The following ARHGEF7 variants were observed in gnomAD, a reference collection of about 807,000 sequenced individuals.
The protein encoded by ARHGEF7 is Rho guanine nucleotide exchange factor 7, also known as PAK-interacting exchange factor beta.
ARHGEF7 carries 33 observed loss-of-function variants against 109.8 expected under a neutral mutation model. The observed-to-expected ratio is 0.30, with a 90% CI of 0.23 to 0.40. The LOEUF (loss-of-function observed/expected upper bound fraction) is 0.40. Among genes scored for constraint, ARHGEF7 ranks in the 10% least tolerant of loss-of-function variants. The pLI is 1.00. For missense variants in ARHGEF7, 938 were observed against 1,098.5 expected, an observed-to-expected ratio of 0.85 and a Z score of 2.07; for synonymous variants, 458 against 424.6, an observed-to-expected ratio of 1.08 and a Z score of -0.97.
At chr13:111,147,183 A>C (rs1467321683) in intron 1 of ARHGEF7, among the ~76,000 whole-genome samples, 1 of 152,150 alleles carries the variant, frequency 6.6e-6, no homozygotes, top group Non-Finnish European at 1.5e-5. Context: ...CTTTCAGTGG[A>C]CCTATGCTTT....
intron 18 of ARHGEF7, among the ~76,000 whole-genome samples, chr13:111,289,917 C>A (rs2093205048): frequency 6.6e-6 from 1 of 151,978 alleles, no homozygotes; most frequent in Non-Finnish European, 1.5e-5. Flanking sequence ...TGAAAAATAT[C>A]CATTTGTAGT....
chr13:111,149,764 A>C (rs2075800221), intron 1 of ARHGEF7, among the ~76,000 whole-genome samples: 1 of 152,250 alleles, frequency 6.6e-6, no homozygotes, highest in South Asian at 2.1e-4. Flanking sequence ...CACAATACAC[A>C]TACATATACA....
intron 13 of ARHGEF7, 143 bp from the exon 14 acceptor site, chr13:111,280,129 T>C: frequency 1.3e-6 from 1 of 773,132 alleles, no homozygotes; most frequent in Non-Finnish European, 2.1e-6. Context: ...TATACACACA[T>C]CTGCTACAAA....
chr13:111,211,000 A>G (rs2082422447), intron 4 of ARHGEF7, among the ~76,000 whole-genome samples: 1 of 152,220 alleles, frequency 6.6e-6, no homozygotes, highest in South Asian at 2.1e-4. Flanking sequence ...TGAAAAATGG[A>G]AAGATATGCG....
At chr13:111,217,113 C>T (rs947220007) in intron 4 of ARHGEF7, among the ~76,000 whole-genome samples, 14 of 152,140 alleles carry the variant, frequency 9.2e-5, no homozygotes, top group African/African-American at 3.4e-4. Flanking sequence ...AAAAAGTTAA[C>T]TGTAATAAAT....
chr13:111,303,239 T>A lies in ARHGEF7; in HGVS notation c.*126T>A. 1.1e-6 allele frequency: 1 copy of A among 899,570 alleles called. No homozygotes were observed. The highest frequency in any genetic ancestry group is 1.6e-6 in the Non-Finnish European group (1 of 613,302). The allele number at this position is 899,570 out of a possible 1,614,324, so 55.7% of individuals were successfully genotyped here. A position where few individuals can be genotyped will look rare whatever the true frequency, so the allele number is the denominator to read the frequency against. ...GTGGGGCGCCACCTTGCTCTCTGTATATAGAAAAGCTGGAGCTTATTCTGC... is the reference window on the plus strand; with the variant it reads ...GTGGGGCGCCACCTTGCTCTCTGTAAATAGAAAAGCTGGAGCTTATTCTGC... On this transcript the variant is annotated 3_prime_UTR_variant, in exon 22 of 22. Coordinates refer to ENST00000646102, the MANE Select transcript of ARHGEF7 (RefSeq NM_001354046.2).
chr13:111,292,993 T>C lies in ARHGEF7; in HGVS notation c.2311+699T>C, dbSNP rs1262046411. 6.1e-6 allele frequency: 6 copies of C among 985,290 alleles called. No homozygotes were observed. The African/African-American group carries it at 1.0e-4, about 17-fold the overall frequency. The allele number at this position is 985,290 out of a possible 1,614,324, so 61.0% of individuals were successfully genotyped here. On this transcript the variant is annotated intron_variant, in intron 19 of 21. Coordinates refer to ENST00000646102, the MANE Select transcript of ARHGEF7 (RefSeq NM_001354046.2). ...TGCGTTGTGGCCGTGAAGTGGGAGC[T>C]CTCCTTTCCAAAGGCAGAGCTTACT...
chr13:111,283,120 C>T lies in ARHGEF7; in HGVS notation c.1726-19C>T, dbSNP rs569677417. 16 of 1,567,328 alleles carry T rather than the reference C, an allele frequency of 1.0e-5. No homozygotes were observed. Among genetic ancestry groups the T allele is most frequent in the South Asian group, 8.2e-5 (7 of 85,236 alleles). The stretch of plus-strand genomic sequence containing the variant: ...CGAGTCTCATGTTCTCTGCCCTTCC[C>T]GCTCTGTGCCCTTGGCAGCTCCCCT... On this transcript the variant is annotated intron_variant, in intron 15 of 21. Transcript: ENST00000646102.
chr13:111,199,878 C>T (rs1028851299), intron 2 of ARHGEF7, among the ~76,000 whole-genome samples: 9 of 152,268 alleles, frequency 5.9e-5, no homozygotes, highest in African/African-American at 2.2e-4. Context: ...CAGACAGTGA[C>T]CTCCTGATAT....
intron 20 of ARHGEF7, among the ~76,000 whole-genome samples, 186 bp downstream of exon 20, chr13:111,301,033 C>A (rs2093554267): frequency 6.6e-6 from 1 of 152,040 alleles, no homozygotes; most frequent in African/African-American, 2.4e-5. Context: ...ACTGCAACCT[C>A]CACCTTCCGG....
intron 1 of ARHGEF7, among the ~76,000 whole-genome samples, chr13:111,149,188 T>C (rs1044357724): frequency 4.6e-5 from 7 of 151,844 alleles, no homozygotes; most frequent in African/African-American, 1.7e-4. Flanking sequence ...GGCGGGCAGA[T>C]TGCTTGAGCC....
chr13:111,192,655 C>G (rs185343151), intron 2 of ARHGEF7, among the ~76,000 whole-genome samples: 10 of 152,292 alleles, frequency 6.6e-5, no homozygotes, highest in African/African-American at 2.4e-4. Flanking sequence ...GCCTTCTCGA[C>G]CTTCCCTGAG....
chr13:111,262,523 G>A (rs769890881), intron 8 of ARHGEF7, among the ~76,000 whole-genome samples: 2 of 152,128 alleles, frequency 1.3e-5, no homozygotes, highest in East Asian at 1.9e-4. Context: ...GGTTCCTTGC[G>A]GCTGGAGATG....
At chr13:111,299,637 C>T (rs1455776969) in intron 19 of ARHGEF7, among the ~76,000 whole-genome samples, 2 of 152,190 alleles carry the variant, frequency 1.3e-5, no homozygotes, top group Non-Finnish European at 2.9e-5. Flanking sequence ...CCACGGCACC[C>T]GGCTGAAGCC....
chr13:111,178,944 C>G (rs1219487582), intron 2 of ARHGEF7, among the ~76,000 whole-genome samples: 1 of 152,076 alleles, frequency 6.6e-6, no homozygotes, highest in Non-Finnish European at 1.5e-5. Flanking sequence ...CTAGAGAGAG[C>G]CACTTAATGT....
chr13:111,180,760 G>A (rs1167762974), intron 2 of ARHGEF7, among the ~76,000 whole-genome samples: 1 of 152,218 alleles, frequency 6.6e-6, no homozygotes, highest in African/African-American at 2.4e-5. Flanking sequence ...TACAGTTGGT[G>A]GAAGATTATA....
At chr13:111,121,561 TTTGGA>T (rs376172280) in intron 1 of ARHGEF7, among the ~76,000 whole-genome samples, 106 of 150,114 alleles carry the variant, frequency 7.1e-4, no homozygotes, top group African/African-American at 2.4e-3. Context: ...ATTTTAGCCG[TTTGGA>T]TTGGAGTCTT....
chr13:111,119,177 C>T (rs1307739330), intron 1 of ARHGEF7, among the ~76,000 whole-genome samples: 3 of 152,234 alleles, frequency 2.0e-5, no homozygotes, highest in Non-Finnish European at 4.4e-5. Context: ...TGTCCAAATT[C>T]CTCCTTTTTA....
intron 2 of ARHGEF7, chr13:111,159,120 A>G: frequency 1.4e-6 from 1 of 717,214 alleles, no homozygotes; most frequent in Non-Finnish European, 2.6e-6. Context: ...CTTTACATAT[A>G]GGTGAGATCG....
Sources: allele counts gnomAD v4.1 joint callset (sites outside exome capture counted in the v4.1 genomes callset), GRCh38; gene constraint gnomAD v4.1.1; transcripts MANE v1.5; gene names NCBI Gene and HGNC (gene_info 2026-07-23, HGNC 2026-07-21).